Variants in OSTN observed in about 807,000 individuals in gnomAD.
OSTN encodes osteocrin.
OSTN carries 9 observed loss-of-function variants against 12.0 expected under a neutral mutation model. The observed-to-expected ratio is 0.75, with a 90% CI of 0.45 to 1.30. OSTN has a LOEUF of 1.30. Among genes scored for constraint, OSTN ranks in the 50% most tolerant of loss-of-function variants. OSTN has a pLI of 0.00. For missense variants in OSTN, 148 were observed against 152.3 expected (o/e 0.97, Z 0.15); for synonymous variants, 59 against 56.9 (o/e 1.04, Z -0.16).
At chr3:191,213,899 C>A (rs947607166) in intron 2 of OSTN, among the ~76,000 whole-genome samples, 1 of 151,934 alleles carries the variant, frequency 6.6e-6, no homozygotes, top group African/African-American at 2.4e-5. Context: ...AGGTTTATCT[C>A]CTGTAGGGTT....
At chr3:191,246,388 C>T (rs1490215503) in intron 3 of OSTN, among the ~76,000 whole-genome samples, 1 of 151,896 alleles carries the variant, frequency 6.6e-6, no homozygotes, top group Non-Finnish European at 1.5e-5. Context: ...GGTGGATTGC[C>T]TGAGGTCAGG....
Position 191,263,064 on chromosome 3 carries a change from A to T in OSTN, c.*211A>T. On this transcript the variant is annotated 3_prime_UTR_variant, in exon 5 of 5. Coordinates refer to ENST00000682035, the MANE Select transcript of OSTN (RefSeq NM_198184.2). ...AATCATTTTGATGCACGTACATTTT[A>T]AAATTATATATTTTAATTATTCAAG... 2.0e-6 allele frequency: 1 copy of T among 501,846 alleles called. No individual in the cohort carries two copies. Among genetic ancestry groups the T allele is most frequent in the East Asian group, 3.0e-5 (1 of 32,874 alleles). 31.1% of individuals were successfully genotyped at this position (501,846 alleles called of 1,614,324 possible). A position where few individuals can be genotyped will look rare whatever the true frequency, so the allele number is the denominator to read the frequency against.
chr3:191,233,759 C>G (rs918412266), intron 3 of OSTN, among the ~76,000 whole-genome samples: 1 of 152,084 alleles, frequency 6.6e-6, no homozygotes, highest in Admixed American at 6.5e-5. Flanking sequence ...TTTGGGAGGC[C>G]GAGGCAGGCA....
chr3:191,256,369 A>G (rs1240292162), intron 4 of OSTN, among the ~76,000 whole-genome samples: 2 of 152,184 alleles, frequency 1.3e-5, no homozygotes. Flanking sequence ...AATATTTAAA[A>G]AGGTAGTTGA....
rs532164817 is a variant in OSTN, at chr3:191,265,067, A to G, written c.*2214A>G. 1 of 152,188 alleles carries G rather than the reference A, an allele frequency of 6.6e-6. No individual in the cohort carries two copies. The highest frequency in any genetic ancestry group is 2.4e-5 in the African/African-American group (1 of 41,470). The allele number at this position is 152,188 out of a possible 1,614,324, so 9.4% of individuals were successfully genotyped here. On this transcript the variant is annotated 3_prime_UTR_variant, in exon 5 of 5. Transcript: ENST00000682035. ...TAATTTTTACCACTACTTCATTCAG[A>G]GTAGAAAATAAGTCAGCAATATACT...
chr3:191,218,678 C>A, intron 2 of OSTN, 69 bp from the exon 3 acceptor site: 1 of 1,281,518 alleles, frequency 7.8e-7, no homozygotes. Flanking sequence ...TAGCAAAAGC[C>A]AGATGCATAT....
At chr3:191,245,367 T>G (rs919067742) in intron 3 of OSTN, among the ~76,000 whole-genome samples, 3 of 152,080 alleles carry the variant, frequency 2.0e-5, no homozygotes, top group African/African-American at 7.3e-5. Context: ...GTTTGTTAAG[T>G]GAATAAACAG....
chr3:191,247,237 T>C (rs1225637462), intron 3 of OSTN, among the ~76,000 whole-genome samples: 1 of 152,238 alleles, frequency 6.6e-6, no homozygotes, highest in Non-Finnish European at 1.5e-5. Context: ...GCATGGTTTC[T>C]TATGACTCTA....
intron 3 of OSTN, among the ~76,000 whole-genome samples, chr3:191,223,747 A>G (rs1375352460): frequency 6.6e-6 from 1 of 152,060 alleles, no homozygotes; most frequent in African/African-American, 2.4e-5. Flanking sequence ...AAATTTCTCT[A>G]TGAAAAAAAG....
chr3:191,209,286 C>T (rs1473187019), intron 1 of OSTN, among the ~76,000 whole-genome samples: 3 of 152,268 alleles, frequency 2.0e-5, no homozygotes, highest in Non-Finnish European at 4.4e-5. Context: ...AAAAAGAATA[C>T]AATTAAGTGG....
intron 4 of OSTN, among the ~76,000 whole-genome samples, chr3:191,259,033 A>G (rs1002239201): frequency 5.9e-5 from 9 of 152,202 alleles, no homozygotes; most frequent in Non-Finnish European, 1.3e-4. Context: ...AACTGCAAGG[A>G]AAGAAGACTC....
At chr3:191,236,480 G>A (rs1209203511) in intron 3 of OSTN, among the ~76,000 whole-genome samples, 1 of 151,874 alleles carries the variant, frequency 6.6e-6, no homozygotes, top group African/African-American at 2.4e-5. Flanking sequence ...AGAGAGTAGG[G>A]CCCAAAAGCA....
At chr3:191,202,087 T>C (rs899485438) in intron 1 of OSTN, among the ~76,000 whole-genome samples, 2 of 152,202 alleles carry the variant, frequency 1.3e-5, no homozygotes, top group African/African-American at 4.8e-5. Flanking sequence ...TTTGTTGTAT[T>C]ACAAAGTATA....
At chr3:191,212,416 A>G (rs1714481102) in intron 1 of OSTN, 117 bp from the exon 2 acceptor site, 1 of 419,762 alleles carries the variant, frequency 2.4e-6, no homozygotes, top group Non-Finnish European at 4.3e-6. Flanking sequence ...ACTCAAATAT[A>G]CTGAAGCCGA....
chr3:191,253,779 A>G (rs1431454689), intron 4 of OSTN, among the ~76,000 whole-genome samples: 1 of 152,256 alleles, frequency 6.6e-6, no homozygotes, highest in Non-Finnish European at 1.5e-5. Flanking sequence ...GCATTAATGC[A>G]AATTCTCTAC....
At chr3:191,205,371 A>T (rs1014499121) in intron 1 of OSTN, among the ~76,000 whole-genome samples, 9 of 151,880 alleles carry the variant, frequency 5.9e-5, no homozygotes, top group Admixed American at 1.3e-4. Flanking sequence ...TGTCTGAAAG[A>T]GTTTGAATAT....
chr3:191,212,724 T>C (rs1714492172), intron 2 of OSTN, 90 bp downstream of exon 2: 2 of 269,416 alleles, frequency 7.4e-6, no homozygotes, highest in African/African-American at 2.3e-5. Flanking sequence ...TATATTAAAA[T>C]ATATTTCATA....
At chr3:191,236,463 A>G (rs966636925) in intron 3 of OSTN, among the ~76,000 whole-genome samples, 14 of 151,874 alleles carry the variant, frequency 9.2e-5, no homozygotes, top group Admixed American at 8.5e-4. Flanking sequence ...AAAAATGCCT[A>G]CTCCATAGAG....
At chr3:191,256,171 T>A (rs1715665652) in intron 4 of OSTN, among the ~76,000 whole-genome samples, 1 of 152,094 alleles carries the variant, frequency 6.6e-6, no homozygotes, top group Non-Finnish European at 1.5e-5. Flanking sequence ...AATTAAATAC[T>A]ACTGATAACA....
Sources: allele counts gnomAD v4.1 joint callset (sites outside exome capture counted in the v4.1 genomes callset), GRCh38; gene constraint gnomAD v4.1.1; transcripts MANE v1.5; gene names NCBI Gene and HGNC (gene_info 2026-07-23, HGNC 2026-07-21).